FLT1: variants seen among roughly 807,000 people sequenced by gnomAD.
FLT1 encodes vascular endothelial growth factor receptor 1.
In FLT1, 49 loss-of-function variants were observed where a neutral mutation model predicts 156.3. That is an observed-to-expected ratio of 0.31 (90% CI 0.25 to 0.40). FLT1 has a LOEUF of 0.40. FLT1 is among the 10% of genes least tolerant of loss of function. The pLI, the probability that FLT1 is intolerant of heterozygous loss-of-function variation, is 1.00. For missense variants in FLT1, 1,322 were observed against 1,637.2 expected (o/e 0.81, Z 3.32); for synonymous variants, 594 against 583.8 (o/e 1.02, Z -0.25).
chr13:28,490,496 C>G (rs1340533054), intron 1 of FLT1, among the ~76,000 whole-genome samples: 1 of 152,196 alleles, frequency 6.6e-6, no homozygotes, highest in Admixed American at 6.5e-5. Context: ...ATACCCCATT[C>G]CTCCAATTTC....
At chr13:28,412,389 T>TTTCTTTCTTTCTTTCCTTCC (rs1593762467) in intron 10 of FLT1, among the ~76,000 whole-genome samples, 2 of 139,118 alleles carry the variant, frequency 1.4e-5, no homozygotes, top group African/African-American at 5.4e-5. Context: ...TCTTTCTTTC[T>TTTCTTTCTTTCTTTCCTTCC]TTCTTTCTTT....
rs199779462 is a variant in FLT1 at position 28,303,228 on chromosome 13, G to T, written c.3956C>A (p.Ala1319Glu). 3.7e-6 allele frequency: 6 copies of T among 1,613,632 alleles called. No homozygotes were observed. The East Asian group carries it at 1.1e-4, about 30-fold the overall frequency. ...GTAGTCTGGGGGCGGGGAGCAGCACGCGATTTTCCTTTCCAGCTCAGCGTG... is the reference window on the plus strand; with the variant it reads ...GTAGTCTGGGGGCGGGGAGCAGCACTCGATTTTCCTTTCCAGCTCAGCGTG... ...YDHAELERKI[A>E]CCSPPPDYNS... Residue 1319 changes from alanine to glutamate, a missense_variant, in exon 30 of 30, where the codon GCG (alanine) becomes GAG (glutamate). Physicochemically the swap from Ala to Glu is moderately radical, Grantham distance 107. Around this residue, in one of 3 missense-constraint regions of FLT1, gnomAD observed 329 missense variants for 366.2 expected, o/e 0.90. Coordinates refer to ENST00000282397, the MANE Select transcript of FLT1 (RefSeq NM_002019.4).
intron 27 of FLT1, among the ~76,000 whole-genome samples, chr13:28,311,146 G>T (rs1472229974): frequency 6.6e-6 from 1 of 152,032 alleles, no homozygotes; most frequent in African/African-American, 2.4e-5. Flanking sequence ...TTAGTAAGAT[G>T]AGGTCTCTCT....
intron 10 of FLT1, among the ~76,000 whole-genome samples, chr13:28,412,797 C>T (rs548652042): frequency 7.0e-4 from 96 of 136,746 alleles, no homozygotes; most frequent in African/African-American, 2.6e-3. Flanking sequence ...AGTGCAGTGG[C>T]GCGATCTCGG....
intron 29 of FLT1, among the ~76,000 whole-genome samples, chr13:28,304,903 T>C (rs1870677867): frequency 6.6e-6 from 1 of 152,260 alleles, no homozygotes; most frequent in Non-Finnish European, 1.5e-5. Flanking sequence ...ATTGTGTGGA[T>C]ATACCATACT....
chr13:28,489,709 G>A (rs924949017), intron 1 of FLT1, among the ~76,000 whole-genome samples: 1 of 152,180 alleles, frequency 6.6e-6, no homozygotes, highest in Non-Finnish European at 1.5e-5. Flanking sequence ...TGTTTGACTA[G>A]GGTAGAGTTT....
chr13:28,348,429 C>T (rs1297876611), intron 15 of FLT1, among the ~76,000 whole-genome samples: 1 of 152,144 alleles, frequency 6.6e-6, no homozygotes, highest in Non-Finnish European at 1.5e-5. Context: ...CGCCACAGTT[C>T]TTATAGTTTC....
intron 14 of FLT1, among the ~76,000 whole-genome samples, chr13:28,359,667 A>G (rs1243081062): frequency 6.6e-6 from 1 of 152,230 alleles, no homozygotes; most frequent in Non-Finnish European, 1.5e-5. Context: ...CAAAATATAC[A>G]AGGAACTCAA....
intron 1 of FLT1, among the ~76,000 whole-genome samples, chr13:28,479,024 C>G (rs1880699993): frequency 6.6e-6 from 1 of 152,188 alleles, no homozygotes; most frequent in Non-Finnish European, 1.5e-5. Flanking sequence ...TACTTTGATA[C>G]AGTTTATGAA....
chr13:28,365,193 G>C (rs1162435220), intron 14 of FLT1, among the ~76,000 whole-genome samples: 1 of 152,014 alleles, frequency 6.6e-6, no homozygotes, highest in Non-Finnish European at 1.5e-5. Flanking sequence ...ATAGTTTTAT[G>C]ATTTTCTCTT....
At chr13:28,392,587 T>C (rs1273964340) in intron 12 of FLT1, among the ~76,000 whole-genome samples, 2 of 152,218 alleles carry the variant, frequency 1.3e-5, no homozygotes, top group Non-Finnish European at 2.9e-5. Flanking sequence ...ACTTTAGTGA[T>C]TTGAAACTTC....
chr13:28,306,555 C>T (rs1870757957), intron 29 of FLT1, 123 bp downstream of exon 29: 3 of 755,578 alleles, frequency 4.0e-6, no homozygotes, highest in Admixed American at 2.0e-5. Context: ...TTCTGCAACT[C>T]CCGGATACCA....
At chr13:28,467,909 G>A (rs1879941979) in intron 1 of FLT1, among the ~76,000 whole-genome samples, 1 of 152,048 alleles carries the variant, frequency 6.6e-6, no homozygotes, top group Admixed American at 6.5e-5. Flanking sequence ...TAGGTTCAAT[G>A]AAATTATATT....
intron 12 of FLT1, 68 bp from the exon 13 acceptor site, chr13:28,390,172 A>T (rs1874623188): frequency 6.3e-7 from 1 of 1,583,748 alleles, no homozygotes; most frequent in African/African-American, 1.3e-5. Flanking sequence ...ATATTCAAAG[A>T]TCTTAAGAAT....
chr13:28,368,332 A>C (rs1873381224), intron 14 of FLT1: 1 of 665,088 alleles, frequency 1.5e-6, no homozygotes. Context: ...TTGTATTTTT[A>C]ATAGAGACAG....
At chr13:28,473,930 T>C (rs1880396796) in intron 1 of FLT1, among the ~76,000 whole-genome samples, 1 of 152,168 alleles carries the variant, frequency 6.6e-6, no homozygotes. Flanking sequence ...GTGGTATTAT[T>C]TGGCAATAAA....
intron 17 of FLT1, among the ~76,000 whole-genome samples, chr13:28,337,525 G>C (rs1006487139): frequency 6.6e-6 from 1 of 152,180 alleles, no homozygotes; most frequent in Admixed American, 6.5e-5. Flanking sequence ...GTACCTCGGG[G>C]CCTTGCAGCC....
rs761106366 is a variant in FLT1 at position 28,433,887 on chromosome 13, C to T, written c.745G>A (p.Val249Ile). Residue 249 changes from valine (V) to isoleucine (I), a missense_variant, in exon 6 of 30, where the codon GTC becomes ATC. Around this residue, in one of 3 missense-constraint regions of FLT1, gnomAD observed 991 missense variants for 1,254.8 expected, o/e 0.79. Coordinates refer to ENST00000282397, the MANE Select transcript of FLT1 (RefSeq NM_002019.4). ...PVKLLRGHTLVLNCTATTPLN... is the reference protein window; with the variant it reads ...PVKLLRGHTLILNCTATTPLN... ...GGAGTGGTAGCAGTACAATTGAGGA[C>T]AAGAGTATGGCCTCTAAGTAATTTG... 6 of 1,613,994 alleles carry T rather than the reference C, an allele frequency of 3.7e-6. No homozygotes were observed. In the Admixed American group the frequency reaches 8.3e-5, roughly 22 times the overall value.
At chr13:28,339,354 C>T (rs920316750) in intron 16 of FLT1, 54 bp from the exon 17 acceptor site, 33 of 1,588,680 alleles carry the variant, frequency 2.1e-5, no homozygotes, top group Non-Finnish European at 2.6e-6. Context: ...TTTACAAATC[C>T]TAGATATTCC....
Sources: allele counts gnomAD v4.1 joint callset (sites outside exome capture counted in the v4.1 genomes callset), GRCh38; gene constraint gnomAD v4.1.1; regional missense constraint gnomAD v4.1.1; transcripts MANE v1.5; gene names NCBI Gene and HGNC (gene_info 2026-07-23, HGNC 2026-07-21).